Variants in MAPRE2 observed in about 807,000 individuals in gnomAD.
The protein encoded by MAPRE2 is microtubule-associated protein RP/EB family member 2.
Under a neutral mutation model 43.2 loss-of-function variants are expected in MAPRE2, and 13 were observed. The ratio of observed to expected loss-of-function variants is 0.30; its 90% confidence interval spans 0.20 to 0.48. MAPRE2 has a LOEUF of 0.48. Among genes scored for constraint, MAPRE2 ranks in the 20% least tolerant of loss-of-function variants. The pLI is 0.99. For synonymous variants in MAPRE2, 135 were observed against 148.8 expected, an observed-to-expected ratio of 0.91 and a Z score of 0.68; for missense variants, 161 against 400.2, an observed-to-expected ratio of 0.40 and a Z score of 5.10.
intron 2 of MAPRE2, among the ~76,000 whole-genome samples, chr18:35,091,238 G>T (rs1908134132): frequency 6.6e-6 from 1 of 152,176 alleles, no homozygotes; most frequent in African/African-American, 2.4e-5. Context: ...TCATGTGACA[G>T]TTCACAGGCA....
intron 6 of MAPRE2, among the ~76,000 whole-genome samples, chr18:35,135,451 G>A (rs9963497): frequency 0.021 from 3,202 of 152,102 alleles, 105 homozygotes; most frequent in African/African-American, 0.073. Flanking sequence ...AAGCCTCCAA[G>A]CATTTTCATT....
chr18:35,046,391 A>C (rs1052734936), intron 1 of MAPRE2, among the ~76,000 whole-genome samples: 3 of 152,202 alleles, frequency 2.0e-5, no homozygotes, highest in Non-Finnish European at 4.4e-5. Flanking sequence ...GGGGAAAAAA[A>C]GTTTCTCTGA....
chr18:35,120,838 G>T (rs1004016115), intron 4 of MAPRE2, among the ~76,000 whole-genome samples: 2 of 152,118 alleles, frequency 1.3e-5, no homozygotes, highest in African/African-American at 4.8e-5. Context: ...TACAGATGCA[G>T]TGTATCTTCT....
chr18:35,033,421 A>C, intron 2 of MAPRE2, among the ~76,000 whole-genome samples: 2 of 149,156 alleles, frequency 1.3e-5, no homozygotes, highest in East Asian at 2.0e-4. Context: ...AATGGGCAAA[A>C]ACTGGAAGCA....
At chr18:34,985,593 A>G (rs1367738988) in intron 1 of MAPRE2, among the ~76,000 whole-genome samples, 1 of 90,700 alleles carries the variant, frequency 1.1e-5, no homozygotes, top group Non-Finnish European at 2.0e-5. Flanking sequence ...AAACTATAAT[A>G]TATAACATAT....
intron 1 of MAPRE2, among the ~76,000 whole-genome samples, chr18:34,977,677 G>C (rs2097013954): frequency 6.6e-6 from 1 of 151,956 alleles, no homozygotes. Context: ...CACCATCCGC[G>C]CTCCCGGGAC....
At chr18:34,989,170 G>A (rs1403093947) in intron 1 of MAPRE2, among the ~76,000 whole-genome samples, 1 of 152,132 alleles carries the variant, frequency 6.6e-6, no homozygotes, top group African/African-American at 2.4e-5. Context: ...TACTCCTAAT[G>A]TTAACCACCC....
At chr18:35,057,042 TTCAC>T (rs1906267278) in intron 1 of MAPRE2, among the ~76,000 whole-genome samples, 1 of 152,166 alleles carries the variant, frequency 6.6e-6, no homozygotes, top group Non-Finnish European at 1.5e-5. Flanking sequence ...GAAACAGAGT[TTCAC>T]TCTTGTTGCC....
chr18:35,085,547 C>T (rs1273816905), intron 2 of MAPRE2, among the ~76,000 whole-genome samples: 1 of 152,064 alleles, frequency 6.6e-6, no homozygotes, highest in Non-Finnish European at 1.5e-5. Flanking sequence ...TGTGTGTGCC[C>T]CCAGGAATAT....
intron 2 of MAPRE2, among the ~76,000 whole-genome samples, chr18:35,007,028 G>A (rs1368867463): frequency 6.6e-6 from 1 of 152,190 alleles, no homozygotes; most frequent in Admixed American, 6.5e-5. Context: ...ATATTCAGGG[G>A]CCAGAGCAGG....
intron 5 of MAPRE2, among the ~76,000 whole-genome samples, chr18:35,128,260 A>T (rs1909993693): frequency 6.6e-6 from 1 of 152,224 alleles, no homozygotes; most frequent in African/African-American, 2.4e-5. Context: ...GCTGATTCTC[A>T]GTTTGAGCCC....
intron 2 of MAPRE2, among the ~76,000 whole-genome samples, chr18:35,014,684 CA>C (rs2097037028): frequency 6.6e-6 from 1 of 151,976 alleles, no homozygotes; most frequent in Admixed American, 6.6e-5. Flanking sequence ...TATTGGGGAC[CA>C]ACCTTAATTA....
At chr18:34,989,183 A>G (rs2097022514) in intron 1 of MAPRE2, among the ~76,000 whole-genome samples, 1 of 152,228 alleles carries the variant, frequency 6.6e-6, no homozygotes, top group Non-Finnish European at 1.5e-5. Context: ...AACCACCCTC[A>G]TGCAACTATT....
At chr18:35,029,011 GT>G (rs1441826798) in intron 2 of MAPRE2, among the ~76,000 whole-genome samples, 1 of 152,172 alleles carries the variant, frequency 6.6e-6, no homozygotes, top group African/African-American at 2.4e-5. Flanking sequence ...GGCCCATTAT[GT>G]TTTCATGTGC....
intron 1 of MAPRE2, among the ~76,000 whole-genome samples, chr18:35,002,890 T>A (rs1291452183): frequency 6.6e-6 from 1 of 152,228 alleles, no homozygotes; most frequent in East Asian, 1.9e-4. Flanking sequence ...CAAAAGTTTT[T>A]AATTTTGATG....
At chr18:35,127,273 A>G (rs1909950524) in intron 5 of MAPRE2, 186 bp downstream of exon 5, 1 of 597,242 alleles carries the variant, frequency 1.7e-6, no homozygotes. Flanking sequence ...AAAAAGTGTT[A>G]GTCACAAATC....
chr18:34,997,812 G>A (rs73422638), intron 1 of MAPRE2, among the ~76,000 whole-genome samples: 138 of 152,248 alleles, frequency 9.1e-4, no homozygotes, highest in African/African-American at 2.9e-3. Context: ...GTGAGACTCC[G>A]TCTCAAACAA....
At chr18:34,982,900 G>A (rs1333250233) in intron 1 of MAPRE2, among the ~76,000 whole-genome samples, 1 of 152,110 alleles carries the variant, frequency 6.6e-6, no homozygotes, top group African/African-American at 2.4e-5. Context: ...GAAAATACTA[G>A]AGGACACTTG....
intron 5 of MAPRE2, among the ~76,000 whole-genome samples, chr18:35,130,150 T>TGGG (rs150492345): frequency 3.4e-5 from 5 of 147,152 alleles, no homozygotes; most frequent in African/African-American, 1.2e-4. Context: ...TACAGGGGGC[T>TGGG]GGGGGGGGGT....
Sources: gnomAD v4.1 joint callset for allele counts (sites outside exome capture counted in the v4.1 genomes callset) on GRCh38, gnomAD v4.1.1 for gene constraint, MANE v1.5 for transcripts, NCBI Gene and HGNC (gene_info 2026-07-23, HGNC 2026-07-21) for gene names.